The following SLC38A4 variants were observed in gnomAD, a reference collection of about 807,000 sequenced individuals.
SLC38A4 encodes sodium-coupled neutral amino acid transporter 4.
Under a neutral mutation model 63.1 loss-of-function variants are expected in SLC38A4, and 20 were observed. That is an observed-to-expected ratio of 0.32 (90% CI 0.22 to 0.46). SLC38A4 has a LOEUF of 0.46. Ranked by LOEUF, SLC38A4 falls within the 20% of genes least tolerant of loss-of-function variation. SLC38A4 has a pLI of 1.00. For missense variants in SLC38A4, 526 were observed against 663.6 expected, an observed-to-expected ratio of 0.79 and a Z score of 2.28; for synonymous variants, 230 against 225.5, an observed-to-expected ratio of 1.02 and a Z score of -0.18.
Position 46,765,371 on chromosome 12 carries a change from A to G in SLC38A4, c.*1330T>C, listed in dbSNP as rs1938277383. On this transcript the variant is annotated 3_prime_UTR_variant, in exon 17 of 17. Coordinates refer to ENST00000266579, the MANE Select transcript of SLC38A4 (RefSeq NM_018018.5). ...CCACTCAACACTGTATTAAATGGCCAATGAATGTCAGCAAACACCTGTGTG... is the reference window on the plus strand; with the variant it reads ...CCACTCAACACTGTATTAAATGGCCGATGAATGTCAGCAAACACCTGTGTG... The G allele has an allele frequency of 3.7e-6, 1 of 268,550 alleles. No homozygotes were observed. Among genetic ancestry groups the G allele is most frequent in the African/African-American group, 2.4e-5 (1 of 42,440 alleles). The allele number at this position is 268,550 out of a possible 1,614,324, so 16.6% of individuals were successfully genotyped here. A position where few individuals can be genotyped will look rare whatever the true frequency, so the allele number is the denominator to read the frequency against.
At chr12:46,811,625 A>G (rs1032178443) in intron 1 of SLC38A4, among the ~76,000 whole-genome samples, 2 of 152,080 alleles carry the variant, frequency 1.3e-5, no homozygotes, top group Non-Finnish European at 2.9e-5. Flanking sequence ...AGTTCCACAT[A>G]GAGCTTGAGA....
chr12:46,793,573 G>T (rs963067271), intron 2 of SLC38A4, among the ~76,000 whole-genome samples: 2 of 152,120 alleles, frequency 1.3e-5, no homozygotes, highest in Non-Finnish European at 2.9e-5. Context: ...ACAGAGGAAG[G>T]TCTACCAAGG....
chr12:46,824,884 T>C (rs1002241983), intron 1 of SLC38A4, among the ~76,000 whole-genome samples: 16 of 152,252 alleles, frequency 1.1e-4, no homozygotes, highest in Admixed American at 8.5e-4. Context: ...CAAAATGGCA[T>C]AGAAACTATA....
At chr12:46,799,392 A>G (rs1939084502) in intron 2 of SLC38A4, among the ~76,000 whole-genome samples, 1 of 152,126 alleles carries the variant, frequency 6.6e-6, no homozygotes. Flanking sequence ...TCCTGAGGTC[A>G]GGAGTTTGAG....
chr12:46,807,953 C>A (rs1939266875), intron 1 of SLC38A4, among the ~76,000 whole-genome samples: 1 of 148,368 alleles, frequency 6.7e-6, no homozygotes, highest in South Asian at 2.2e-4. Context: ...CAATAATTTT[C>A]TAATTTGCTT....
chr12:46,766,915 T>C, intron 16 of SLC38A4, 113 bp from the exon 17 acceptor site: 1 of 670,156 alleles, frequency 1.5e-6, no homozygotes, highest in East Asian at 2.8e-5. Context: ...CATATTATTC[T>C]TAATATCTCA....
chr12:46,826,042 C>T (rs1257851394), upstream of SLC38A4: 3 of 152,272 alleles, frequency 2.0e-5, no homozygotes, highest in Admixed American at 2.0e-4. Context: ...CAGCCACGCC[C>T]CTAGATGCTG....
chr12:46,793,280 G>A, intron 2 of SLC38A4, 97 bp from the exon 3 acceptor site: 7 of 344,734 alleles, frequency 2.0e-5, no homozygotes, highest in East Asian at 5.1e-5. Context: ...GTAAAAGGGA[G>A]GAAGGAAAGA....
intron 14 of SLC38A4, among the ~76,000 whole-genome samples, chr12:46,770,104 G>A (rs907459847): frequency 2.0e-5 from 3 of 151,680 alleles, no homozygotes; most frequent in African/African-American, 7.3e-5. Flanking sequence ...AAATAATCTC[G>A]GTCAGAAAGA....
intron 4 of SLC38A4, 86 bp from the exon 5 acceptor site, chr12:46,788,117 G>A: frequency 1.1e-6 from 1 of 928,636 alleles, no homozygotes; most frequent in African/African-American, 1.6e-5. Context: ...ATTATCTGCA[G>A]ATTACAGTCC....
At chr12:46,777,662 C>T (rs1938558019) in intron 12 of SLC38A4, among the ~76,000 whole-genome samples, 1 of 151,914 alleles carries the variant, frequency 6.6e-6, no homozygotes, top group Non-Finnish European at 1.5e-5. Context: ...TAATACCCTC[C>T]CTTAAAGGAA....
intron 1 of SLC38A4, among the ~76,000 whole-genome samples, chr12:46,819,603 G>A (rs773282989): frequency 4.6e-5 from 7 of 151,880 alleles, no homozygotes; most frequent in Admixed American, 6.6e-5. Context: ...GACTTAGATC[G>A]TCTTGGAAAT....
intron 16 of SLC38A4, 92 bp from the exon 17 acceptor site, chr12:46,766,894 A>C: frequency 1.3e-6 from 1 of 794,942 alleles, no homozygotes; most frequent in Admixed American, 2.4e-5. Flanking sequence ...AATCTGATCT[A>C]TATATTGAGC....
intron 14 of SLC38A4, among the ~76,000 whole-genome samples, chr12:46,771,359 G>T (rs1440452130): frequency 6.6e-6 from 1 of 152,038 alleles, no homozygotes; most frequent in East Asian, 1.9e-4. Flanking sequence ...CATTTTCAGA[G>T]AATAGTCACA....
rs1349685293 is a variant in SLC38A4 at position 46,787,865 on chromosome 12, C to T, written c.326+51G>A. On this transcript the variant is annotated intron_variant, in intron 5 of 16. Transcript: ENST00000266579. The stretch of plus-strand genomic sequence containing the variant: ...TTGAGATTGTTAATTGAAAAAGCCA[C>T]CAGGTATGCATGGACTTCATCACCA... The T allele has an allele frequency of 1.1e-5, 14 of 1,330,820 alleles. No homozygotes were observed. The East Asian group carries it at 3.3e-4, about 31-fold the overall frequency. 82.4% of individuals were successfully genotyped at this position (1,330,820 alleles called of 1,614,324 possible). A position where few individuals can be genotyped will look rare whatever the true frequency, so the allele number is the denominator to read the frequency against.
At chr12:46,804,162 G>C (rs544888228) in intron 1 of SLC38A4, among the ~76,000 whole-genome samples, 1 of 151,982 alleles carries the variant, frequency 6.6e-6, no homozygotes, top group African/African-American at 2.4e-5. Flanking sequence ...AAATTTTACA[G>C]AATGACAAAT....
chr12:46,787,332 G>T (rs1938783877), intron 5 of SLC38A4, among the ~76,000 whole-genome samples: 1 of 152,154 alleles, frequency 6.6e-6, no homozygotes, highest in Non-Finnish European at 1.5e-5. Context: ...CATTAAAATT[G>T]TGGTGAGTGT....
rs745530941 is a variant in SLC38A4 at position 46,766,331 on chromosome 12, T to C, written c.*370A>G. On this transcript the variant is annotated 3_prime_UTR_variant, in exon 17 of 17. Coordinates refer to ENST00000266579, the MANE Select transcript of SLC38A4 (RefSeq NM_018018.5). ...TTGATGTTCTGAGAATGCAAATGTT[T>C]GGTACTTTTTTAGGGGGTGCAGGAT... 6.6e-6 allele frequency: 3 copies of C among 452,744 alleles called. No individual in the cohort carries two copies. Among genetic ancestry groups the C allele is most frequent in the South Asian group, 4.7e-5 (3 of 63,958 alleles). The allele number at this position is 452,744 out of a possible 1,614,324, so 28.0% of individuals were successfully genotyped here. A position where few individuals can be genotyped will look rare whatever the true frequency, so the allele number is the denominator to read the frequency against.
intron 5 of SLC38A4, among the ~76,000 whole-genome samples, chr12:46,787,681 T>C (rs1353627639): frequency 6.6e-6 from 1 of 152,184 alleles, no homozygotes; most frequent in Non-Finnish European, 1.5e-5. Context: ...CACCAAATTA[T>C]TTCAAGTATT....
Sources: allele counts gnomAD v4.1 joint callset (sites outside exome capture counted in the v4.1 genomes callset), GRCh38; gene constraint gnomAD v4.1.1; transcripts MANE v1.5; gene names NCBI Gene and HGNC (gene_info 2026-07-23, HGNC 2026-07-21).